USP24: variants seen among roughly 807,000 people sequenced by gnomAD.
The protein encoded by USP24 is ubiquitin carboxyl-terminal hydrolase 24.
Under a neutral mutation model 361.6 loss-of-function variants are expected in USP24, and 97 were observed. The ratio of observed to expected loss-of-function variants is 0.27; its 90% CI spans 0.23 to 0.32. USP24 has a LOEUF of 0.32. USP24 is among the 10% of genes least tolerant of loss of function. USP24 has a pLI of 1.00. For missense variants in USP24, 2,353 were observed against 3,165.6 expected, an observed-to-expected ratio of 0.74 and a Z score of 6.16; for synonymous variants, 1,098 against 1,124.6, an observed-to-expected ratio of 0.98 and a Z score of 0.47.
chr1:55,140,483 T>A (rs1451063372), intron 24 of USP24, among the ~76,000 whole-genome samples: 1 of 152,214 alleles, frequency 6.6e-6, no homozygotes, highest in Non-Finnish European at 1.5e-5. Context: ...AATCTATCAT[T>A]ACTTCTGCCA....
At chr1:55,165,810 A>G in intron 7 of USP24, 75 bp downstream of exon 7, 1 of 1,301,690 alleles carries the variant, frequency 7.7e-7, no homozygotes, top group Non-Finnish European at 1.1e-6. Flanking sequence ...GCATGTCCAG[A>G]CCATATCCTC....
intron 3 of USP24, among the ~76,000 whole-genome samples, chr1:55,174,244 G>A (rs1649732134): frequency 6.6e-6 from 1 of 152,140 alleles, no homozygotes; most frequent in Admixed American, 6.5e-5. Context: ...AAAGCCTGGG[G>A]AATTGGGGAG....
chr1:55,137,473 T>C, intron 28 of USP24, 42 bp downstream of exon 28: 2 of 1,589,640 alleles, frequency 1.3e-6, no homozygotes, highest in East Asian at 2.2e-5. Context: ...AGACAGTGAC[T>C]GTTAAGTTCT....
intron 8 of USP24, among the ~76,000 whole-genome samples, chr1:55,160,944 AT>A (rs1425530305): frequency 6.6e-6 from 1 of 152,216 alleles, no homozygotes; most frequent in Non-Finnish European, 1.5e-5. Context: ...TATATGCTTA[AT>A]AAACTGAAGG....
chr1:55,174,101 A>C (rs2100809799), intron 3 of USP24, among the ~76,000 whole-genome samples: 1 of 152,360 alleles, frequency 6.6e-6, no homozygotes, highest in Admixed American at 6.5e-5. Context: ...ACTAGTAAAA[A>C]TCCAGGCTAG....
At chr1:55,104,160 C>T (rs1645713003) in intron 41 of USP24, 140 bp from the exon 42 acceptor site, 1 of 977,330 alleles carries the variant, frequency 1.0e-6, no homozygotes, top group Non-Finnish European at 1.5e-6. Flanking sequence ...CCCCAGACAT[C>T]CAGTAATCCA....
intron 2 of USP24, among the ~76,000 whole-genome samples, chr1:55,177,469 T>C (rs1291476169): frequency 3.9e-5 from 6 of 152,144 alleles, no homozygotes; most frequent in Admixed American, 6.5e-5. Context: ...ATTCTGGCCA[T>C]ATTCATTTCA....
intron 44 of USP24, 113 bp from the exon 45 acceptor site, chr1:55,099,982 G>C: frequency 1.4e-6 from 1 of 718,898 alleles, no homozygotes; most frequent in South Asian, 1.9e-5. Flanking sequence ...TCACTATTAG[G>C]ATGTGGACAT....
chr1:55,144,946 C>A (rs560385965), intron 20 of USP24, among the ~76,000 whole-genome samples: 129 of 151,886 alleles, frequency 8.5e-4, no homozygotes, highest in African/African-American at 2.9e-3. Context: ...AACAAACAAA[C>A]CAAAAAAACA....
Position 55,094,005 on chromosome 1 carries a change from T to C in USP24, c.6286A>G (p.Thr2096Ala). Residue 2096 changes from threonine to alanine, a missense_variant, in exon 52 of 68, where the codon ACC becomes GCC. Around this residue, in one of 8 missense-constraint regions of USP24, gnomAD observed 598 missense variants for 761.9 expected, o/e 0.78. Coordinates refer to ENST00000294383, the MANE Select transcript of USP24 (RefSeq NM_015306.3). Reference protein sequence around the residue: ...RPNNDRLSILTKLVKKGEKKG... With the variant: ...RPNNDRLSILAKLVKKGEKKG... Reference sequence around the variant, plus strand: ...TTCTCGCCTTTTTTAACCAGCTTGGTAAGAATAGACAGCCGGTCATTGTTC... The same window carrying C: ...TTCTCGCCTTTTTTAACCAGCTTGGCAAGAATAGACAGCCGGTCATTGTTC... 1 of 1,613,886 alleles carries C rather than the reference T, an allele frequency of 6.2e-7. No homozygotes were observed. The highest frequency in any genetic ancestry group is 8.5e-7 in the Non-Finnish European group (1 of 1,179,856).
Position 55,206,669 on chromosome 1 carries a change from A to AG in USP24, c.324+8120_324+8121insC, listed in dbSNP as rs201135714. 7.2e-4 allele frequency among the ~76,000 whole-genome samples: 109 copies of AG among 151,274 alleles called. No homozygotes were observed. The East Asian group carries it at 0.016, about 22-fold the overall frequency. On this transcript the variant is annotated intron_variant, in intron 1 of 67. Transcript: ENST00000294383. ...CAGAGAAAAACAGTAAAAAAAAAAA[A>AG]AAAAGGGTCGGGGGGGCATGAGCCA...
rs1479020668 is a variant in USP24 at position 55,081,241 on chromosome 1, CATTCA to C, written c.7078+76_7078+80del. The stretch of plus-strand genomic sequence containing the variant: ...AAGTAGTCGAATGAGAAACAAGAGA[CATTCA>C]TTTACTTGCTAATATAATTACTCTC... On this transcript the variant is annotated intron_variant, in intron 59 of 67. Coordinates refer to ENST00000294383, the MANE Select transcript of USP24 (RefSeq NM_015306.3). 4 of 1,363,090 alleles carry C rather than the reference CATTCA, an allele frequency of 2.9e-6. No homozygotes were observed. In the African/African-American group the frequency reaches 5.8e-5, roughly 20 times the overall value. The allele number at this position is 1,363,090 out of a possible 1,614,324, so 84.4% of individuals were successfully genotyped here. A position where few individuals can be genotyped will look rare whatever the true frequency, so the allele number is the denominator to read the frequency against.
At chr1:55,123,054 A>G (rs1646328256) in intron 36 of USP24, among the ~76,000 whole-genome samples, 4 of 152,224 alleles carry the variant, frequency 2.6e-5, no homozygotes, top group Admixed American at 2.6e-4. Context: ...CCCGTTCACC[A>G]AAGCCAACAA....
chr1:55,132,795 TTAATA>T (rs1646629304), intron 30 of USP24, 95 bp from the exon 31 acceptor site: 16 of 1,266,228 alleles, frequency 1.3e-5, no homozygotes, highest in Admixed American at 2.9e-5. Context: ...CTTTCCCTCT[TTAATA>T]TAAGCCACAC....
At chr1:55,151,382 C>A (rs1253028002) in intron 16 of USP24, among the ~76,000 whole-genome samples, 1 of 152,150 alleles carries the variant, frequency 6.6e-6, no homozygotes, top group Non-Finnish European at 1.5e-5. Context: ...GGACATCTTG[C>A]TACTTTTACT....
intron 60 of USP24, among the ~76,000 whole-genome samples, 196 bp downstream of exon 60, chr1:55,079,342 G>C (rs1557530698): frequency 1.3e-5 from 2 of 152,186 alleles, no homozygotes; most frequent in Non-Finnish European, 1.5e-5. Flanking sequence ...GGCTGGACCT[G>C]GAGGTCTGGA....
At chr1:55,092,987 G>T in intron 52 of USP24, 71 bp from the exon 53 acceptor site, 1 of 966,398 alleles carries the variant, frequency 1.0e-6, no homozygotes, top group South Asian at 1.9e-5. Flanking sequence ...CATTTCTAAT[G>T]ATATGTAAAA....
Position 55,171,561 on chromosome 1 carries a change from G to A in USP24, c.820C>T (p.Gln274Ter). 6.2e-7 allele frequency: 1 copy of A among 1,608,382 alleles called. No individual in the cohort carries two copies. Reference protein sequence around the residue: ...MFAVSPVSTFQKEPHGWVVDL... With the variant: ...MFAVSPVSTF ...TGAAACTAAATGATGTTTACCTTTT[G>A]GAAAGTCGATACAGGTGAAACAGCA... is the stretch of plus-strand genomic sequence containing the variant. The change falls in exon 5 of 68, where the codon CAA becomes TAA. Residue 274 changes from glutamine to a stop codon, truncating the protein, a stop_gained. Coordinates refer to ENST00000294383, the MANE Select transcript of USP24 (RefSeq NM_015306.3). LOFTEE classifies it high-confidence loss of function.
intron 52 of USP24, 39 bp downstream of exon 52, chr1:55,093,898 G>A (rs747265759): frequency 5.6e-6 from 9 of 1,610,904 alleles, no homozygotes; most frequent in Non-Finnish European, 5.9e-6. Context: ...TGATGTCCAC[G>A]TGGATATTCC....
Sources: gnomAD v4.1 joint callset for allele counts (sites outside exome capture counted in the v4.1 genomes callset) on GRCh38, gnomAD v4.1.1 for gene constraint, gnomAD v4.1.1 regional missense constraint, MANE v1.5 for transcripts, NCBI Gene and HGNC (gene_info 2026-07-23, HGNC 2026-07-21) for gene names.